The following CTIF variants were observed in gnomAD, a reference collection of about 807,000 sequenced individuals.
The protein encoded by CTIF is cap binding complex dependent translation initiation factor.
Under a neutral mutation model 66.0 loss-of-function variants are expected in CTIF, and 21 were observed. The observed-to-expected ratio is 0.32, with a 90% CI of 0.23 to 0.46. CTIF has a LOEUF of 0.46. CTIF is among the 20% of genes least tolerant of loss of function. CTIF has a pLI of 1.00. For missense variants in CTIF, 739 were observed against 812.7 expected (o/e 0.91, Z 1.10); for synonymous variants, 345 against 326.4 (o/e 1.06, Z -0.62).
At chr18:48,783,512 T>C (rs1261584086) in intron 9 of CTIF, among the ~76,000 whole-genome samples, 1 of 152,196 alleles carries the variant, frequency 6.6e-6, no homozygotes, top group Non-Finnish European at 1.5e-5. Flanking sequence ...ACGGTTCACC[T>C]GGATACCCAG....
chr18:48,721,098 G>C (rs1163614451), intron 7 of CTIF, among the ~76,000 whole-genome samples: 2 of 152,314 alleles, frequency 1.3e-5, no homozygotes, highest in Admixed American at 1.3e-4. Flanking sequence ...CCCACAGTTG[G>C]AGAGCAGAGT....
In CTIF at chr18:48,618,125, C is replaced by G. The variant is rs143452761; in HGVS notation, c.-28-1413C>G. Among the ~76,000 whole-genome samples the G allele has an allele frequency of 8.9e-3, 1,349 of 152,346 alleles. 13 individuals are homozygous for G. Among genetic ancestry groups the G allele is most frequent in the Non-Finnish European group, 0.016 (1,074 of 68,040 alleles). On this transcript the variant is annotated intron_variant, in intron 1 of 11. Transcript: ENST00000256413. ...AGCAGCATTTCTGGAACCCAGCACACCATTCCTTGCCCTGCTTTGGACTCG... is the reference window on the plus strand; with the variant it reads ...AGCAGCATTTCTGGAACCCAGCACAGCATTCCTTGCCCTGCTTTGGACTCG...
intron 1 of CTIF, among the ~76,000 whole-genome samples, chr18:48,600,577 G>C (rs1871018846): frequency 6.6e-6 from 1 of 151,906 alleles, no homozygotes; most frequent in Admixed American, 6.6e-5. Flanking sequence ...CTGAGGAAGT[G>C]ACAGGCGTTT....
chr18:48,636,312 CAG>C (rs1301599233), intron 2 of CTIF, among the ~76,000 whole-genome samples: 1 of 152,216 alleles, frequency 6.6e-6, no homozygotes, highest in African/African-American at 2.4e-5. Flanking sequence ...GTACCAAACT[CAG>C]AATAAGTTTT....
intron 8 of CTIF, among the ~76,000 whole-genome samples, chr18:48,759,271 A>C (rs758749598): frequency 6.6e-6 from 1 of 152,154 alleles, no homozygotes; most frequent in Non-Finnish European, 1.5e-5. Flanking sequence ...CCATTCCCAC[A>C]CAGCAGCAGG....
chr18:48,852,233 TAAAA>T (rs10591389), intron 10 of CTIF, among the ~76,000 whole-genome samples: 2,786 of 66,402 alleles, frequency 0.042, 55 homozygotes, highest in Non-Finnish European at 0.05. Context: ...GACCCTGTCT[TAAAA>T]AAAAAAAAAA....
At chr18:48,790,093 TG>T (rs1447537914) in intron 9 of CTIF, among the ~76,000 whole-genome samples, 3 of 152,152 alleles carry the variant, frequency 2.0e-5, no homozygotes, top group African/African-American at 7.2e-5. Flanking sequence ...TACTAGGTGT[TG>T]GGGAAGGGAT....
intron 3 of CTIF, among the ~76,000 whole-genome samples, chr18:48,659,181 A>T (rs140657657): frequency 1.3e-5 from 2 of 152,124 alleles, no homozygotes; most frequent in Non-Finnish European, 2.9e-5. Context: ...CAGATTCTTG[A>T]TATGCACTGC....
chr18:48,561,920 A>G (rs1014048864), intron 1 of CTIF, among the ~76,000 whole-genome samples: 4 of 152,340 alleles, frequency 2.6e-5, no homozygotes, highest in African/African-American at 9.6e-5. Flanking sequence ...CTGTTTTTCT[A>G]AATGAAAGTT....
intron 7 of CTIF, among the ~76,000 whole-genome samples, chr18:48,744,848 A>C (rs2092583224): frequency 7.2e-6 from 1 of 139,668 alleles, no homozygotes; most frequent in South Asian, 2.3e-4. Context: ...TTTGAGGTGG[A>C]GTCTCACGCT....
At position 48,631,036 on chromosome 18, in the gene CTIF, T is replaced by G. The variant is rs1271232408; in HGVS notation, c.181-5578T>G. On this transcript the variant is annotated intron_variant, in intron 2 of 11. Coordinates refer to ENST00000256413, the MANE Select transcript of CTIF (RefSeq NM_014772.3). ...GTAGGGCTGGTCTCTTGGAGGAGTT[T>G]TAGGCACCACTGAAATGGGGGCCTG... 3.3e-5 allele frequency among the ~76,000 whole-genome samples: 5 copies of G among 152,208 alleles called. No individual in the cohort carries two copies. The South Asian group carries it at 1.0e-3, about 31-fold the overall frequency.
At chr18:48,671,402 C>T (rs961120962) in intron 6 of CTIF, among the ~76,000 whole-genome samples, 7 of 152,118 alleles carry the variant, frequency 4.6e-5, no homozygotes, top group South Asian at 2.1e-4. Flanking sequence ...CTGAGTCTGC[C>T]GCTGCCAGTG....
intron 10 of CTIF, among the ~76,000 whole-genome samples, chr18:48,848,769 C>T (rs927025594): frequency 1.3e-5 from 2 of 152,210 alleles, no homozygotes; most frequent in African/African-American, 4.8e-5. Context: ...CACCAGGCTG[C>T]CTTTCTCCCT....
chr18:48,817,141 C>T, intron 9 of CTIF, 80 bp from the exon 10 acceptor site: 1 of 1,423,346 alleles, frequency 7.0e-7, no homozygotes, highest in Non-Finnish European at 9.6e-7. Flanking sequence ...CCCAAGACAA[C>T]AGATGCTCTG....
At chr18:48,809,503 T>C (rs1230545341) in intron 9 of CTIF, among the ~76,000 whole-genome samples, 1 of 152,168 alleles carries the variant, frequency 6.6e-6, no homozygotes, top group African/African-American at 2.4e-5. Context: ...TCTATTCACA[T>C]TAGCAAGATT....
intron 9 of CTIF, among the ~76,000 whole-genome samples, chr18:48,809,993 A>G (rs528246895): frequency 1.5e-3 from 223 of 151,652 alleles, no homozygotes; most frequent in African/African-American, 4.6e-3. Context: ...TTCCTTAGCT[A>G]TTGTTGGTTT....
At chr18:48,689,613 C>T (rs185123290) in intron 6 of CTIF, among the ~76,000 whole-genome samples, 2 of 152,276 alleles carry the variant, frequency 1.3e-5, no homozygotes, top group Admixed American at 1.3e-4. Context: ...CTGAAAGGAG[C>T]CTTCATGGTT....
chr18:48,703,933 A>T (rs2145413839), intron 6 of CTIF, among the ~76,000 whole-genome samples: 1 of 152,362 alleles, frequency 6.6e-6, no homozygotes, highest in South Asian at 2.1e-4. Context: ...AGGCAGACAC[A>T]GGAGGCTGTC....
chr18:48,660,004 C>CG (rs2091314174), intron 3 of CTIF, among the ~76,000 whole-genome samples: 1 of 150,706 alleles, frequency 6.6e-6, no homozygotes, highest in Non-Finnish European at 1.5e-5. Context: ...TCACCTGTGA[C>CG]GTGTGTCGAT....
Sources: allele counts gnomAD v4.1 joint callset (sites outside exome capture counted in the v4.1 genomes callset), GRCh38; gene constraint gnomAD v4.1.1; transcripts MANE v1.5; gene names NCBI Gene and HGNC (gene_info 2026-07-23, HGNC 2026-07-21).